The following DNAH17 variants were observed in gnomAD, a reference collection of about 807,000 sequenced individuals.
DNAH17 encodes the protein axonemal beta dynein heavy chain 17.
Under a neutral mutation model 485.6 loss-of-function variants are expected in DNAH17, and 376 were observed. The observed-to-expected ratio is 0.77, with a 90% CI of 0.71 to 0.84. The LOEUF is 0.84. DNAH17 is among the 40% of genes least tolerant of loss of function. The pLI is 0.00. For missense variants in DNAH17, 6,370 were observed against 5,839.3 expected (o/e 1.09, Z -2.96); for synonymous variants, 3,031 against 2,405.9 (o/e 1.26, Z -7.60).
At chr17:78,509,908 G>A (rs1030908518) in intron 27 of DNAH17, among the ~76,000 whole-genome samples, 6 of 152,202 alleles carry the variant, frequency 3.9e-5, no homozygotes, top group South Asian at 2.1e-4. Flanking sequence ...GTAGGCTGGC[G>A]CAGTGGCTCA....
chr17:78,484,100 A>G (rs1470247329), intron 48 of DNAH17, among the ~76,000 whole-genome samples: 1 of 116,096 alleles, frequency 8.6e-6, no homozygotes, highest in Non-Finnish European at 1.8e-5. Flanking sequence ...CTCCTCAAAA[A>G]AAAAAAAAAA....
chr17:78,518,751 A>G (rs190208622), intron 25 of DNAH17, among the ~76,000 whole-genome samples: 2 of 152,364 alleles, frequency 1.3e-5, no homozygotes, highest in Admixed American at 6.5e-5. Flanking sequence ...ATCCTGATCC[A>G]TAAAATAAAG....
Position 78,468,813 on chromosome 17 carries a change from G to T in DNAH17, c.8582C>A (p.Ser2861Tyr). ...NVPSVFLMTDSQVAEEQFLVL... is the reference protein window; with the variant it reads ...NVPSVFLMTDYQVAEEQFLVL... ...CAGAAACTGCTCCTCGGCCACCTGG[G>T]AGTCTGTCATCAGGAACACCGAGGG... Residue 2861 changes from serine (S) to tyrosine (Y), a missense_variant, in exon 55 of 81, where the codon TCC becomes TAC. Physicochemically the swap from Ser to Tyr is moderately radical, Grantham distance 144. Coordinates refer to ENST00000389840, the MANE Select transcript of DNAH17 (RefSeq NM_173628.4). 6 of 1,614,042 alleles carry T rather than the reference G, an allele frequency of 3.7e-6. No homozygotes were observed. The South Asian group carries it at 6.6e-5, about 18-fold the overall frequency.
intron 54 of DNAH17, among the ~76,000 whole-genome samples, chr17:78,470,109 T>C (rs1241498088): frequency 7.4e-6 from 1 of 134,296 alleles, no homozygotes; most frequent in Non-Finnish European, 1.5e-5. Flanking sequence ...TCTCTCACTC[T>C]GTTGCCCAGG....
At position 78,468,653 on chromosome 17, in the gene DNAH17, C is replaced by T; in HGVS notation, c.8742G>A (p.Trp2914Ter). 1.9e-6 allele frequency: 3 copies of T among 1,613,940 alleles called. No homozygotes were observed. Among genetic ancestry groups the T allele is most frequent in the Non-Finnish European group, 2.5e-6 (3 of 1,179,842 alleles). ...TGCGCACTTTTTCGATGAAGAACTTCCAACATGTTTCCCGAGTGTCATTCA... is the reference window on the plus strand; with the variant it reads ...TGCGCACTTTTTCGATGAAGAACTTTCAACATGTTTCCCGAGTGTCATTCA... Reference protein sequence around the residue: ...LGMNDTRETCWKFFIEKVRRQ... With the variant: ...LGMNDTRETC Residue 2914 changes from tryptophan (W) to a stop codon, truncating the protein, a stop_gained, in exon 55 of 81, where the codon TGG (tryptophan) becomes TGA (stop). Transcript: ENST00000389840. LOFTEE classifies it high-confidence loss of function.
chr17:78,478,097 CCATCAT>C (rs1219501354), intron 51 of DNAH17, among the ~76,000 whole-genome samples: 3 of 149,204 alleles, frequency 2.0e-5, no homozygotes, highest in Admixed American at 6.6e-5. Context: ...ATCACCACCA[CCATCAT>C]CATCATCTCC....
rs2091164201 is a variant in DNAH17, at chr17:78,529,338, A to T, written c.3507+134T>A. 1.4e-5 allele frequency: 12 copies of T among 881,582 alleles called. No homozygotes were observed. The South Asian group carries it at 1.8e-4, about 13-fold the overall frequency. The allele number at this position is 881,582 out of a possible 1,614,324, so 54.6% of individuals were successfully genotyped here. On this transcript the variant is annotated intron_variant, in intron 22 of 80. Coordinates refer to ENST00000389840, the MANE Select transcript of DNAH17 (RefSeq NM_173628.4). ...CCTCCTCCCTGCACCTCCCTGTTCC[A>T]TGGGGATCTGATGTCCAGAGAGGAT... is the stretch of plus-strand genomic sequence containing the variant.
Position 78,529,537 on chromosome 17 carries a change from G to C in DNAH17, c.3442C>G (p.Gln1148Glu), listed in dbSNP as rs2091172364. 2 of 1,613,832 alleles carry C rather than the reference G, an allele frequency of 1.2e-6. No individual in the cohort carries two copies. The highest frequency in any genetic ancestry group is 8.5e-7 in the Non-Finnish European group (1 of 1,179,896). The change falls in exon 22 of 81, where the codon CAA becomes GAA. Residue 1148 changes from glutamine to glutamate, a missense_variant. Transcript: ENST00000389840. ...ATDNMFEPLKQTIELLKTYGE... is the reference protein window; with the variant it reads ...ATDNMFEPLKETIELLKTYGE... ...TAGGTCTTGAGCAGCTCGATGGTTT[G>C]CTTCAGGGGCTCAAACATGTTGTCG...
rs751876338 is a variant in DNAH17 at position 78,503,020 on chromosome 17, G to A, written c.4957-9C>T. 104 of 1,612,112 alleles carry A rather than the reference G, an allele frequency of 6.5e-5. No homozygotes were observed. Among genetic ancestry groups the A allele is most frequent in the Non-Finnish European group, 7.6e-5 (90 of 1,179,162 alleles). Reference sequence around the variant, plus strand: ...TTCAGCCACACTTCCACCTGGGGACGGGAGCCACGGTGACCAATACAGCCA... The same window carrying A: ...TTCAGCCACACTTCCACCTGGGGACAGGAGCCACGGTGACCAATACAGCCA... On this transcript the variant is annotated splice_polypyrimidine_tract_variant and intron_variant, in intron 31 of 80. Transcript: ENST00000389840.
At position 78,423,894 on chromosome 17, in the gene DNAH17, G is replaced by GT; in HGVS notation, c.*11_*12insA. 6.2e-7 allele frequency: 1 copy of GT among 1,613,638 alleles called. No individual in the cohort carries two copies. The highest frequency in any genetic ancestry group is 8.5e-7 in the Non-Finnish European group (1 of 1,179,686). ...CAGCCCCAGGGAGTGTGGGCTGTGA[G>GT]GCAGGAGCGAGCTAAACCTGTAGGA... On this transcript the variant is annotated 3_prime_UTR_variant, in exon 81 of 81. Coordinates refer to ENST00000389840, the MANE Select transcript of DNAH17 (RefSeq NM_173628.4).
In DNAH17 at chr17:78,570,365, G is replaced by T. The variant is rs375963040; in HGVS notation, c.926C>A (p.Thr309Asn). 86 of 1,610,592 alleles carry T rather than the reference G, an allele frequency of 5.3e-5. No individual in the cohort carries two copies. The African/African-American group carries it at 1.0e-3, about 19-fold the overall frequency. ...GGTGTCCAGCACCTTGGCAATGAAG[G>T]TGGGGAGCTGGGGGGAGACAGGCCC... Reference protein sequence around the residue: ...MEQADFTMLPTFIAKVLDTIC... With the variant: ...MEQADFTMLPNFIAKVLDTIC... The change falls in exon 7 of 81, where the codon ACC (threonine) becomes AAC (asparagine). Residue 309 changes from threonine to asparagine, a missense_variant. Thr to Asn is a moderately conservative substitution (Grantham distance 65). Coordinates refer to ENST00000389840, the MANE Select transcript of DNAH17 (RefSeq NM_173628.4).
intron 75 of DNAH17, among the ~76,000 whole-genome samples, chr17:78,431,732 G>C (rs532089160): frequency 1.3e-5 from 2 of 152,250 alleles, no homozygotes; most frequent in African/African-American, 2.4e-5. Flanking sequence ...TGAGGACAGA[G>C]GGAAGGTTGG....
Position 78,551,529 on chromosome 17 carries a change from G to A in DNAH17, c.2391+6C>T, listed in dbSNP as rs1250947812. ...AGCCCCACTCTGTGCTCTGCCCCTT[G>A]CTTACCTTCATAGCCTGGGAAATTC... On this transcript the variant is annotated splice_donor_region_variant and intron_variant, in intron 16 of 80. Transcript: ENST00000389840. 12 of 1,613,682 alleles carry A rather than the reference G, an allele frequency of 7.4e-6. No individual in the cohort carries two copies. The South Asian group carries it at 9.9e-5, about 13-fold the overall frequency.
chr17:78,454,341 C>A (rs1476811672), intron 64 of DNAH17, 129 bp downstream of exon 64: 2 of 686,356 alleles, frequency 2.9e-6, no homozygotes, highest in African/African-American at 1.8e-5. Flanking sequence ...GTTCCCCAGG[C>A]CAGATTTAAA....
chr17:78,501,151 A>T, intron 35 of DNAH17, 33 bp downstream of exon 35: 6 of 1,543,206 alleles, frequency 3.9e-6, no homozygotes, highest in Non-Finnish European at 5.3e-6. Context: ...ACCCACCAAG[A>T]GCACATGTGA....
chr17:78,514,840 G>A lies in DNAH17; in HGVS notation c.4047C>T (p.Ala1349=), dbSNP rs778691722. ...TVKNVITSLR[A]VSELQNPAIR... Reference sequence around the variant, plus strand: ...TGGCAGGGTTCTGCAGCTCGCTCACGGCACGCAGGGACGTGATCACGTTTT... The same window carrying A: ...TGGCAGGGTTCTGCAGCTCGCTCACAGCACGCAGGGACGTGATCACGTTTT... Residue 1349 remains alanine (A), a synonymous_variant, in exon 26 of 81, where the codon GCC becomes GCT. Coordinates refer to ENST00000389840, the MANE Select transcript of DNAH17 (RefSeq NM_173628.4). The A allele has an allele frequency of 5.0e-6, 8 of 1,614,030 alleles. No homozygotes were observed. Among genetic ancestry groups the A allele is most frequent in the African/African-American group, 1.3e-5 (1 of 75,054 alleles).
intron 51 of DNAH17, among the ~76,000 whole-genome samples, chr17:78,478,203 C>CCACCACCATCACTATCATAACTAT (rs1212561498): frequency 2.0e-4 from 30 of 146,838 alleles, no homozygotes; most frequent in East Asian, 1.0e-3. Context: ...CATCATATCA[C>CCACCACCATCACTATCATAACTAT]CACCACCACC....
At chr17:78,433,049 T>C (rs1332011548) in intron 75 of DNAH17, among the ~76,000 whole-genome samples, 1 of 152,054 alleles carries the variant, frequency 6.6e-6, no homozygotes, top group Non-Finnish European at 1.5e-5. Flanking sequence ...TCCCAGTCTG[T>C]AAGAGGGTGC....
intron 16 of DNAH17, among the ~76,000 whole-genome samples, chr17:78,546,891 T>TCCATCTCAAGAAAGACTCCATCTC (rs1278820580): frequency 2.8e-5 from 4 of 144,208 alleles, no homozygotes; most frequent in Non-Finnish European, 4.5e-5. Context: ...GGTGACAGAG[T>TCCATCTCAAGAAAGACTCCATCTC]AAGACTCCAT....
Sources: allele counts gnomAD v4.1 joint callset (sites outside exome capture counted in the v4.1 genomes callset), GRCh38; gene constraint gnomAD v4.1.1; transcripts MANE v1.5; gene names NCBI Gene and HGNC (gene_info 2026-07-23, HGNC 2026-07-21).